The following PRKCB variants were observed in gnomAD, a reference collection of about 807,000 sequenced individuals.
The protein encoded by PRKCB is protein kinase C beta type.
In PRKCB, 13 loss-of-function variants were observed where a neutral mutation model predicts 81.5. The ratio of observed to expected loss-of-function variants is 0.16; its 90% confidence interval spans 0.10 to 0.25. PRKCB has a LOEUF of 0.25. Ranked by LOEUF, PRKCB falls within the 10% of genes least tolerant of loss-of-function variation. The pLI is 1.00. For synonymous variants in PRKCB, 335 were observed against 321.4 expected (o/e 1.04, Z -0.45); for missense variants, 509 against 875.7 (o/e 0.58, Z 5.29).
At chr16:24,196,717 T>C (rs1241929624) in intron 16 of PRKCB, among the ~76,000 whole-genome samples, 1 of 152,242 alleles carries the variant, frequency 6.6e-6, no homozygotes, top group Admixed American at 6.5e-5. Flanking sequence ...GATAGGACAC[T>C]GTGGGGCCAG....
chr16:23,971,378 G>A (rs1330842093), intron 2 of PRKCB, among the ~76,000 whole-genome samples: 1 of 152,180 alleles, frequency 6.6e-6, no homozygotes, highest in Non-Finnish European at 1.5e-5. Context: ...CCTCCCCTTT[G>A]AGGACGGATG....
At chr16:23,983,399 T>C (rs1359778005) in intron 2 of PRKCB, among the ~76,000 whole-genome samples, 2 of 152,184 alleles carry the variant, frequency 1.3e-5, no homozygotes, top group African/African-American at 4.8e-5. Flanking sequence ...TGATTCTGCC[T>C]CAGTGGGGAT....
rs1963981532 is a variant in PRKCB, at chr16:23,931,783, A to G, written c.206-56725A>G. On this transcript the variant is annotated intron_variant, in intron 2 of 16. Coordinates refer to ENST00000643927, the MANE Select transcript of PRKCB (RefSeq NM_002738.7). The stretch of plus-strand genomic sequence containing the variant: ...TGAAGTTCCTATAAAGACAGTTTGT[A>G]TAGATCCTTTTAGGATGACTTGAAA... Among the ~76,000 whole-genome samples the G allele has an allele frequency of 2.0e-5, 3 of 152,322 alleles. No individual in the cohort carries two copies. In the South Asian group the frequency reaches 6.2e-4, roughly 32 times the overall value.
chr16:23,985,458 T>C (rs1309599594), intron 2 of PRKCB, among the ~76,000 whole-genome samples: 4 of 152,162 alleles, frequency 2.6e-5, no homozygotes, highest in Non-Finnish European at 5.9e-5. Flanking sequence ...ATGTCAAATT[T>C]ACAATAGCAT....
intron 2 of PRKCB, among the ~76,000 whole-genome samples, chr16:23,924,179 A>G (rs1374770964): frequency 9.2e-6 from 1 of 108,834 alleles, no homozygotes; most frequent in East Asian, 3.3e-4. Flanking sequence ...TGATGGTTTT[A>G]TAAGGGGCTC....
At chr16:23,981,731 CCCCTT>C (rs1964712029) in intron 2 of PRKCB, among the ~76,000 whole-genome samples, 1 of 33,468 alleles carries the variant, frequency 3.0e-5, no homozygotes. Flanking sequence ...CCCTTCCCTT[CCCCTT>C]CCCTTCCCCT....
chr16:23,998,142 A>T (rs1964984201), intron 3 of PRKCB, among the ~76,000 whole-genome samples: 1 of 152,194 alleles, frequency 6.6e-6, no homozygotes, highest in Non-Finnish European at 1.5e-5. Flanking sequence ...GAGCTGGAAC[A>T]TTAATTTTTT....
At chr16:23,919,189 A>G (rs1963787329) in intron 2 of PRKCB, among the ~76,000 whole-genome samples, 1 of 152,228 alleles carries the variant, frequency 6.6e-6, no homozygotes, top group Non-Finnish European at 1.5e-5. Flanking sequence ...TGTAAGGGAT[A>G]TAAGTTGTTA....
chr16:23,872,413 C>T (rs969221494), intron 2 of PRKCB, among the ~76,000 whole-genome samples: 1 of 152,086 alleles, frequency 6.6e-6, no homozygotes, highest in Admixed American at 6.5e-5. Context: ...CCTACCTACT[C>T]GGGGGGCTGT....
At chr16:24,103,034 G>A (rs921838122) in intron 7 of PRKCB, among the ~76,000 whole-genome samples, 3 of 152,026 alleles carry the variant, frequency 2.0e-5, no homozygotes, top group African/African-American at 4.8e-5. Flanking sequence ...CACCACACCC[G>A]GCTAATTTTT....
Position 24,026,367 on chromosome 16 carries a change from T to G in PRKCB, c.289-5769T>G, listed in dbSNP as rs574852685. ...TTTCCCTTCCCATTCTTTGTGCTTC[T>G]TGGTATCTCCTCTTGTTTAAGAGAC... On this transcript the variant is annotated intron_variant, in intron 3 of 16. Coordinates refer to ENST00000643927, the MANE Select transcript of PRKCB (RefSeq NM_002738.7). Among the ~76,000 whole-genome samples the G allele has an allele frequency of 4.6e-5, 7 of 152,354 alleles. No homozygotes were observed. The South Asian group carries it at 1.5e-3, about 32-fold the overall frequency.
chr16:24,092,840 T>C lies in PRKCB; in HGVS notation c.579T>C (p.Asp193=). 1 of 1,614,090 alleles carries C rather than the reference T, an allele frequency of 6.2e-7. No homozygotes were observed. Among genetic ancestry groups the C allele is most frequent in the Non-Finnish European group, 8.5e-7 (1 of 1,180,020 alleles). ...CTATGGACCCCAATGGCCTGTCAGA[T>C]CCCTACGTAAAACTGAAACTGATTC... ...LVPMDPNGLS[D]PYVKLKLIPD... is the part of the protein sequence containing the mutation. Residue 193 remains aspartate, a synonymous_variant, in exon 6 of 17, where the codon GAT becomes GAC. Coordinates refer to ENST00000643927, the MANE Select transcript of PRKCB (RefSeq NM_002738.7).
intron 2 of PRKCB, among the ~76,000 whole-genome samples, chr16:23,855,154 AG>A (rs1325544354): frequency 1.4e-5 from 2 of 146,350 alleles, no homozygotes; most frequent in African/African-American, 5.0e-5. Context: ...CCGGCGGGGG[AG>A]GGGGTGGCAG....
At chr16:24,026,991 C>T (rs375686748) in intron 3 of PRKCB, among the ~76,000 whole-genome samples, 5 of 152,208 alleles carry the variant, frequency 3.3e-5, no homozygotes, top group South Asian at 4.2e-4. Flanking sequence ...CAGTCATGAA[C>T]AGGGGTTCCT....
chr16:23,922,608 T>C (rs1006383664), intron 2 of PRKCB, among the ~76,000 whole-genome samples: 2 of 152,224 alleles, frequency 1.3e-5, no homozygotes, highest in African/African-American at 4.8e-5. Flanking sequence ...CTTTGAAATA[T>C]ACAGTGACTG....
At chr16:23,967,188 G>A (rs544315707) in intron 2 of PRKCB, among the ~76,000 whole-genome samples, 7 of 152,288 alleles carry the variant, frequency 4.6e-5, no homozygotes, top group East Asian at 1.9e-4. Flanking sequence ...CCTCTCCTGC[G>A]TGGAGGTTAT....
rs564227760 is a variant in PRKCB, at chr16:24,172,438, G to C, written c.1331+77G>C. 107 of 1,246,364 alleles carry C rather than the reference G, an allele frequency of 8.6e-5. 1 individual carries two copies. The East Asian group carries it at 2.6e-3, about 31-fold the overall frequency. 77.2% of individuals were successfully genotyped at this position (1,246,364 alleles called of 1,614,324 possible). A position where few individuals can be genotyped will look rare whatever the true frequency, so the allele number is the denominator to read the frequency against. On this transcript the variant is annotated intron_variant, in intron 11 of 16. Transcript: ENST00000643927. The stretch of plus-strand genomic sequence containing the variant: ...GTGGTTCCTTTGAGGGTGTTTTTTT[G>C]CCAAAGAGGGATCTTTAAACACCTC...
chr16:23,866,980 TTCCTTCCCTTCCTTC>T (rs1567295049), intron 2 of PRKCB, among the ~76,000 whole-genome samples: 1 of 63,432 alleles, frequency 1.6e-5, no homozygotes, highest in African/African-American at 6.7e-5. Flanking sequence ...CTTCCTTCCC[TTCCTTCCCTTCCTTC>T]CCTTCCTTCC....
chr16:23,967,888 A>G (rs994007780), intron 2 of PRKCB, among the ~76,000 whole-genome samples: 1 of 152,210 alleles, frequency 6.6e-6, no homozygotes, highest in African/African-American at 2.4e-5. Context: ...CCTGACCTCA[A>G]GTGAGGTCCA....
Sources: allele counts gnomAD v4.1 joint callset (sites outside exome capture counted in the v4.1 genomes callset), GRCh38; gene constraint gnomAD v4.1.1; transcripts MANE v1.5; gene names NCBI Gene and HGNC (gene_info 2026-07-23, HGNC 2026-07-21).